Variants in LOXL1 observed in about 807,000 individuals in gnomAD.
LOXL1 encodes the protein lysyl oxidase like 1.
A neutral mutation model predicts 62.2 loss-of-function variants in LOXL1; 31 were observed. The observed-to-expected ratio is 0.50, with a 90% confidence interval of 0.37 to 0.67. The LOEUF is 0.67. Among genes scored for constraint, LOXL1 ranks in the 30% least tolerant of loss-of-function variants. LOXL1 has a pLI of 0.00. For synonymous variants in LOXL1, 403 were observed against 384.4 expected (o/e 1.05, Z -0.56); for missense variants, 775 against 843.4 (o/e 0.92, Z 1.00).
chr15:73,929,933 T>C (rs998573418), intron 1 of LOXL1, among the ~76,000 whole-genome samples: 2 of 152,330 alleles, frequency 1.3e-5, no homozygotes, highest in Non-Finnish European at 2.9e-5. Context: ...GTCTTTGGGC[T>C]GTTAGTTCTT....
At chr15:73,946,099 C>T (rs963719535) in intron 2 of LOXL1, among the ~76,000 whole-genome samples, 7 of 152,124 alleles carry the variant, frequency 4.6e-5, no homozygotes, top group Non-Finnish European at 1.0e-4. Context: ...TAGGGGCTGA[C>T]CCCAGCTGAG....
intron 1 of LOXL1, among the ~76,000 whole-genome samples, chr15:73,936,797 T>G (rs935458949): frequency 2.0e-5 from 3 of 152,200 alleles, no homozygotes; most frequent in African/African-American, 7.2e-5. Context: ...AGATTTCTAA[T>G]GAAGCAGGAA....
Position 73,927,041 on chromosome 15 carries a change from G to A in LOXL1, c.258G>A (p.Arg86=). The A allele has an allele frequency of 1.5e-6, 2 of 1,348,274 alleles. No individual in the cohort carries two copies. The highest frequency in any genetic ancestry group is 1.9e-6 in the Non-Finnish European group (2 of 1,041,468). 83.5% of individuals were successfully genotyped at this position (1,348,274 alleles called of 1,614,324 possible). ...LLAGAPQAQQ[R]RSHGSPRRRQ... ...CCGGCGCGCCCCAGGCCCAGCAGCG[G>A]CGCAGCCACGGGAGCCCCCGGCGTC... is the stretch of plus-strand genomic sequence containing the variant. The change falls in exon 1 of 7, where the codon CGG becomes CGA. Residue 86 remains arginine (R), a synonymous_variant. Transcript: ENST00000261921.
chr15:73,927,272 C>G lies in LOXL1; in HGVS notation c.489C>G (p.Phe163Leu), dbSNP rs751982471. 1.9e-6 allele frequency: 3 copies of G among 1,602,686 alleles called. No homozygotes were observed. In the African/African-American group the frequency reaches 4.0e-5, roughly 22 times the overall value. Residue 163 changes from phenylalanine (F) to leucine (L), a missense_variant, in exon 1 of 7, where the codon TTC becomes TTG. Transcript: ENST00000261921. Reference protein sequence around the residue: ...GSASSVSASAFASTYRQQPSY... With the variant: ...GSASSVSASALASTYRQQPSY... Reference sequence around the variant, plus strand: ...CCTCCTCGGTCTCGGCTTCGGCCTTCGCCAGCACCTACCGCCAGCAGCCCT... The same window carrying G: ...CCTCCTCGGTCTCGGCTTCGGCCTTGGCCAGCACCTACCGCCAGCAGCCCT...
rs779722644 is a variant in LOXL1, at chr15:73,927,189, AGCACGGGCATGGCCCGGGCCC to A, written c.411_431del (p.Gly138_Thr144del). ...CTGGCGCGAGGTGGCCGTCGGGGAC[AGCACGGGCATGGCCCGGGCCC>A]GCACCTCCGTCTCCCAGCAACGGCA... On this transcript the variant is annotated inframe_deletion, in exon 1 of 7. Transcript: ENST00000261921. The A allele has an allele frequency of 1.3e-6, 2 of 1,567,842 alleles. No individual in the cohort carries two copies. The highest frequency in any genetic ancestry group is 2.5e-5 in the East Asian group (1 of 40,790).
intron 4 of LOXL1, 175 bp downstream of exon 4, chr15:73,947,398 C>T (rs1375801799): frequency 5.0e-6 from 3 of 596,784 alleles, no homozygotes; most frequent in South Asian, 2.5e-5. Context: ...GGACTGTTCC[C>T]TCCCTGCCCC....
chr15:73,927,040 G>A lies in LOXL1; in HGVS notation c.257G>A (p.Arg86Gln). ...GCCGGCGCGCCCCAGGCCCAGCAGC[G>A]GCGCAGCCACGGGAGCCCCCGGCGT... ...LLAGAPQAQQ[R>Q]RSHGSPRRRQ... is the part of the protein sequence containing the mutation. The change falls in exon 1 of 7, where the codon CGG (arginine) becomes CAG (glutamine). Residue 86 changes from arginine (R) to glutamine (Q), a missense_variant. By Grantham distance (43) the Arg-to-Gln change is conservative (BLOSUM62 1). Coordinates refer to ENST00000261921, the MANE Select transcript of LOXL1 (RefSeq NM_005576.4). The A allele has an allele frequency of 7.4e-7, 1 of 1,352,760 alleles. No individual in the cohort carries two copies. Among genetic ancestry groups the A allele is most frequent in the Non-Finnish European group, 9.6e-7 (1 of 1,043,766 alleles). 83.8% of individuals were successfully genotyped at this position (1,352,760 alleles called of 1,614,324 possible). A position where few individuals can be genotyped will look rare whatever the true frequency, so the allele number is the denominator to read the frequency against.
intron 1 of LOXL1, 121 bp downstream of exon 1, chr15:73,928,006 A>T (rs947570044): frequency 2.1e-6 from 2 of 944,854 alleles, no homozygotes; most frequent in African/African-American, 1.7e-5. Flanking sequence ...CTAAGCACGG[A>T]GCAGCGCCCC....
intron 1 of LOXL1, among the ~76,000 whole-genome samples, chr15:73,942,554 C>T (rs569866724): frequency 6.6e-6 from 1 of 152,164 alleles, no homozygotes; most frequent in African/African-American, 2.4e-5. Flanking sequence ...CACCCTTTCC[C>T]GCTCTCTGAT....
Position 73,930,409 on chromosome 15 carries a change from G to A in LOXL1, c.1102+2524G>A, listed in dbSNP as rs1019237308. Among the ~76,000 whole-genome samples the A allele has an allele frequency of 6.6e-6, 1 of 152,134 alleles. No homozygotes were observed. Among genetic ancestry groups the A allele is most frequent in the South Asian group, 2.1e-4 (1 of 4,832 alleles). On this transcript the variant is annotated intron_variant, in intron 1 of 6. Coordinates refer to ENST00000261921, the MANE Select transcript of LOXL1 (RefSeq NM_005576.4). The surrounding 1 kb of genome is among the most constrained non-coding windows in gnomAD (Gnocchi z 4.7). The stretch of plus-strand genomic sequence containing the variant: ...CAGGCTAGTTTAGGGCTCACAAAGA[G>A]GCCAGAGAGGGAGCAGTAGTCTCTC...
chr15:73,938,586 C>G (rs923606449), intron 1 of LOXL1, among the ~76,000 whole-genome samples: 1 of 152,162 alleles, frequency 6.6e-6, no homozygotes, highest in African/African-American at 2.4e-5. Context: ...TGGCATGCGC[C>G]TGTGGTCCTA....
At chr15:73,944,762 G>C (rs2068736709) in intron 2 of LOXL1, among the ~76,000 whole-genome samples, 1 of 152,228 alleles carries the variant, frequency 6.6e-6, no homozygotes, top group African/African-American at 2.4e-5. Flanking sequence ...GAGCCGAACA[G>C]AAGGGCAGGA....
chr15:73,951,798 C>A, intron 6 of LOXL1, 33 bp from the exon 7 acceptor site: 1 of 1,528,146 alleles, frequency 6.5e-7, no homozygotes, highest in Non-Finnish European at 8.8e-7. Flanking sequence ...TACTTTGCAG[C>A]CCCTCATTGA....
intron 1 of LOXL1, among the ~76,000 whole-genome samples, chr15:73,929,154 G>C (rs1484797079): frequency 6.6e-6 from 1 of 152,186 alleles, no homozygotes; most frequent in Non-Finnish European, 1.5e-5. Flanking sequence ...CCCCCTCCCT[G>C]CTACCCTCTC....
At chr15:73,933,998 A>T (rs921495689) in intron 1 of LOXL1, among the ~76,000 whole-genome samples, 14 of 152,228 alleles carry the variant, frequency 9.2e-5, no homozygotes, top group Admixed American at 5.9e-4. Flanking sequence ...GCACCCAGAA[A>T]CCAGGCATTG....
intron 1 of LOXL1, among the ~76,000 whole-genome samples, chr15:73,939,787 A>G (rs934076141): frequency 1.3e-5 from 2 of 152,308 alleles, no homozygotes; most frequent in Middle Eastern, 3.4e-3. Context: ...AAAAAGAGTG[A>G]CAGGAGGAGT....
chr15:73,937,307 A>G (rs1430690597), intron 1 of LOXL1, among the ~76,000 whole-genome samples: 1 of 152,248 alleles, frequency 6.6e-6, no homozygotes. Context: ...GAGCCAGGAT[A>G]TAGAACATTG....
At chr15:73,949,783 G>A (rs2068771990) in intron 6 of LOXL1, among the ~76,000 whole-genome samples, 1 of 152,106 alleles carries the variant, frequency 6.6e-6, no homozygotes, top group African/African-American at 2.4e-5. Context: ...TGTTGATCTG[G>A]GGCTGCATCC....
At chr15:73,941,543 C>T (rs1037144147) in intron 1 of LOXL1, among the ~76,000 whole-genome samples, 4 of 152,214 alleles carry the variant, frequency 2.6e-5, no homozygotes, top group Non-Finnish European at 5.9e-5. Context: ...CTCAAGTCCT[C>T]CCACCTTGCC....
Sources: allele counts gnomAD v4.1 joint callset (sites outside exome capture counted in the v4.1 genomes callset), GRCh38; gene constraint gnomAD v4.1.1; non-coding constraint Gnocchi (gnomAD v3.1); transcripts MANE v1.5; gene names NCBI Gene and HGNC (gene_info 2026-07-23, HGNC 2026-07-21).